Variants in TIMELESS observed in about 807,000 individuals in gnomAD.
The protein encoded by TIMELESS is protein timeless homolog.
Under a neutral mutation model 164.3 loss-of-function variants are expected in TIMELESS, and 124 were observed. The ratio of observed to expected loss-of-function variants is 0.75; its 90% CI spans 0.65 to 0.88. The LOEUF (loss-of-function observed/expected upper bound fraction) is 0.88, where lower values mean the gene tolerates loss of function less well. Among genes scored for constraint, TIMELESS ranks in the 40% least tolerant of loss-of-function variants. TIMELESS has a pLI of 0.00. For synonymous variants in TIMELESS, 564 were observed against 563.4 expected (o/e 1.00, Z -0.02); for missense variants, 1,422 against 1,491.4 (o/e 0.95, Z 0.77).
chr12:56,420,263 AG>A (rs895210679), intron 26 of TIMELESS, among the ~76,000 whole-genome samples: 19 of 151,832 alleles, frequency 1.3e-4, no homozygotes, highest in Non-Finnish European at 2.6e-4. Context: ...ATCTGTGGGC[AG>A]GGGGGTCCTG....
At chr12:56,434,548 A>G (rs1202121811) in intron 1 of TIMELESS, among the ~76,000 whole-genome samples, 1 of 152,066 alleles carries the variant, frequency 6.6e-6, no homozygotes, top group East Asian at 1.9e-4. Flanking sequence ...GACCAGCCTG[A>G]CCAACATGGA....
intron 1 of TIMELESS, among the ~76,000 whole-genome samples, chr12:56,439,730 A>G (rs1011166064): frequency 6.6e-6 from 1 of 152,188 alleles, no homozygotes; most frequent in Non-Finnish European, 1.5e-5. Flanking sequence ...TGAATTTTAC[A>G]GTATATGAAT....
At chr12:56,446,221 T>C (rs917944576) in intron 1 of TIMELESS, among the ~76,000 whole-genome samples, 6 of 152,138 alleles carry the variant, frequency 3.9e-5, no homozygotes, top group Non-Finnish European at 8.8e-5. Context: ...CAATCTAGCC[T>C]CAATATGGTT....
chr12:56,421,829 T>C lies in TIMELESS; in HGVS notation c.2643-20A>G, dbSNP rs1555176702. 3.1e-6 allele frequency: 5 copies of C among 1,613,934 alleles called. No individual in the cohort carries two copies. The highest frequency in any genetic ancestry group is 3.3e-4 in the Middle Eastern group (2 of 6,062). On this transcript the variant is annotated intron_variant, in intron 21 of 28. Coordinates refer to ENST00000553532, the MANE Select transcript of TIMELESS (RefSeq NM_003920.5). ...CCTTTCCTGATTAGGAAGGTGTCAG[T>C]GGAAGAGGAAGCCCAGGAAGTGATC...
At position 56,445,571 on chromosome 12, in the gene TIMELESS, T is replaced by A. The variant is rs1215475258; in HGVS notation, c.-62+3739A>T. On this transcript the variant is annotated intron_variant, in intron 1 of 28. Transcript: ENST00000553532. ...CTGACCAACATGGAGAAACCCTGTC[T>A]CTACTAAAAATACAAAATTAGCTGG... Among the ~76,000 whole-genome samples the A allele has an allele frequency of 2.7e-5, 4 of 150,644 alleles. No individual in the cohort carries two copies. The East Asian group carries it at 7.8e-4, about 29-fold the overall frequency.
intron 13 of TIMELESS, 23 bp downstream of exon 13, chr12:56,428,213 T>C (rs577001902): frequency 1.3e-6 from 2 of 1,558,428 alleles, no homozygotes; most frequent in South Asian, 1.2e-5. Context: ...CAGCTCTTTC[T>C]ACATTGTGGG....
Position 56,423,361 on chromosome 12 carries a change from G to C in TIMELESS, c.2205C>G (p.Asp735Glu). The change falls in exon 18 of 29, where the codon GAC becomes GAG. Residue 735 changes from aspartate (D) to glutamate (E), a missense_variant. Coordinates refer to ENST00000553532, the MANE Select transcript of TIMELESS (RefSeq NM_003920.5). Reference sequence around the variant, plus strand: ...GAAAAAGTAGGGCTTCCATTTTGAGGTCATGGGCCAGCCGGTGCAGCATCT... The same window carrying C: ...GAAAAAGTAGGGCTTCCATTTTGAGCTCATGGGCCAGCCGGTGCAGCATCT... The part of the protein sequence containing the change: ...IVKMLHRLAH[D>E]LKMEALLFQL... 6.2e-7 allele frequency: 1 copy of C among 1,614,164 alleles called. No individual in the cohort carries two copies.
chr12:56,443,631 C>T (rs912414090), intron 1 of TIMELESS, among the ~76,000 whole-genome samples: 1 of 152,150 alleles, frequency 6.6e-6, no homozygotes, highest in Middle Eastern at 3.2e-3. Context: ...TACCCCCCTC[C>T]CCTTCTAAAA....
chr12:56,422,201 G>T lies in TIMELESS; in HGVS notation c.2439-10C>A. The stretch of plus-strand genomic sequence containing the variant: ...TCTGCGACTGGAAGACCTGAATGGT[G>T]AAAGGAGAAAGGGAGCATATAGGTT... On this transcript the variant is annotated splice_polypyrimidine_tract_variant and intron_variant, in intron 19 of 28. Transcript: ENST00000553532. The T allele has an allele frequency of 6.2e-7, 1 of 1,613,228 alleles. No homozygotes were observed. The highest frequency in any genetic ancestry group is 2.2e-5 in the East Asian group (1 of 44,874).
chr12:56,432,953 CAAAA>C (rs67816652), intron 6 of TIMELESS, 69 bp downstream of exon 6: 975 of 542,242 alleles, frequency 1.8e-3, no homozygotes, highest in East Asian at 3.6e-3. Flanking sequence ...GACTCCGTCT[CAAAA>C]AAAAAAAAAA....
At position 56,423,815 on chromosome 12, in the gene TIMELESS, G is replaced by A; in HGVS notation, c.1948C>T (p.Leu650Phe). 4 of 1,614,176 alleles carry A rather than the reference G, an allele frequency of 2.5e-6. No individual in the cohort carries two copies. The highest frequency in any genetic ancestry group is 3.4e-6 in the Non-Finnish European group (4 of 1,180,034). ...GACTCACGGGGAAGTGGAGCAGAGA[G>A]GATTTGTTTCAGCAACTGGATCTCT... ...EEEIQLLKQI[L>F]SAPLPRQQGP... The change falls in exon 16 of 29, where the codon CTC becomes TTC. Residue 650 changes from leucine to phenylalanine, a missense_variant. Coordinates refer to ENST00000553532, the MANE Select transcript of TIMELESS (RefSeq NM_003920.5).
intron 1 of TIMELESS, among the ~76,000 whole-genome samples, chr12:56,440,734 C>A (rs1200749116): frequency 3.3e-5 from 5 of 152,200 alleles, no homozygotes; most frequent in African/African-American, 9.7e-5. Flanking sequence ...CACTGCCAAT[C>A]CACAAACTAT....
At position 56,416,890 on chromosome 12, in the gene TIMELESS, A is replaced by C. The variant is rs1322573909; in HGVS notation, c.*826T>G. On this transcript the variant is annotated 3_prime_UTR_variant, in exon 29 of 29. Transcript: ENST00000553532. ...AGGCGCATGCCACCATGGCCGGCTA[A>C]TTTTTGTATTTTTAGTGGAGATGGG... 4 of 151,908 alleles carry C rather than the reference A, an allele frequency of 2.6e-5. No homozygotes were observed. Among genetic ancestry groups the C allele is most frequent in the Non-Finnish European group, 5.9e-5 (4 of 68,002 alleles). 9.4% of individuals were successfully genotyped at this position (151,908 alleles called of 1,614,324 possible). A position where few individuals can be genotyped will look rare whatever the true frequency, so the allele number is the denominator to read the frequency against.
At chr12:56,422,815 C>A in intron 19 of TIMELESS, 32 bp downstream of exon 19, 3 of 1,505,654 alleles carry the variant, frequency 2.0e-6, no homozygotes, top group Non-Finnish European at 9.1e-7. Flanking sequence ...CTTCCCCTAC[C>A]CCCACCCACC....
Position 56,425,199 on chromosome 12 carries a change from C to T in TIMELESS, c.1579-47G>A. The T allele has an allele frequency of 2.6e-6, 4 of 1,557,998 alleles. No homozygotes were observed. The South Asian group carries it at 4.7e-5, about 18-fold the overall frequency. The stretch of plus-strand genomic sequence containing the variant: ...AGGATGTCAAGAGAGCTAAAGAGGG[C>T]TTTCCCCATCAGTGTCTTTTCTATT... On this transcript the variant is annotated intron_variant, in intron 13 of 28. Transcript: ENST00000553532.
intron 19 of TIMELESS, 105 bp from the exon 20 acceptor site, chr12:56,422,296 G>A (rs1159835640): frequency 9.4e-7 from 1 of 1,063,952 alleles, no homozygotes; most frequent in African/African-American, 1.6e-5. Flanking sequence ...GGACAAGGCA[G>A]GTAACTGAAA....
intron 13 of TIMELESS, among the ~76,000 whole-genome samples, chr12:56,426,849 C>T (rs940872177): frequency 2.0e-5 from 3 of 151,856 alleles, no homozygotes; most frequent in South Asian, 2.1e-4. Flanking sequence ...CATGAGCCAC[C>T]GCGCCTGGCC....
At position 56,425,082 on chromosome 12, in the gene TIMELESS, G is replaced by C. The variant is rs1408566161; in HGVS notation, c.1649C>G (p.Pro550Arg). The change falls in exon 14 of 29, where the codon CCA (proline) becomes CGA (arginine). Residue 550 changes from proline (P) to arginine (R), a missense_variant. By Grantham distance (103) the Pro-to-Arg change is moderately radical. Transcript: ENST00000553532. ...AGCCTCCACTTCTTCTGGGCTAGAT[G>C]GGACATTACCAGAAACAATGGCCTG... ...LDQAIVSGNV[P>R]SSPEEVEAVW... 4.3e-6 allele frequency: 7 copies of C among 1,614,036 alleles called. No homozygotes were observed. In the African/African-American group the frequency reaches 8.0e-5, roughly 18 times the overall value.
intron 7 of TIMELESS, among the ~76,000 whole-genome samples, chr12:56,432,055 C>T (rs917183337): frequency 6.6e-6 from 1 of 151,984 alleles, no homozygotes; most frequent in Non-Finnish European, 1.5e-5. Context: ...AGGGATGATT[C>T]ACATCTTGTT....
Sources: allele counts gnomAD v4.1 joint callset (sites outside exome capture counted in the v4.1 genomes callset), GRCh38; gene constraint gnomAD v4.1.1; transcripts MANE v1.5; gene names NCBI Gene and HGNC (gene_info 2026-07-23, HGNC 2026-07-21).